ADAMTS19: variants seen among roughly 807,000 people sequenced by gnomAD.
The protein encoded by ADAMTS19 is ADAM metallopeptidase with thrombospondin type 1 motif 19.
A neutral mutation model predicts 153.3 loss-of-function variants in ADAMTS19; 93 were observed. That is an observed-to-expected ratio of 0.61 (90% confidence interval 0.51 to 0.72). ADAMTS19 has a LOEUF of 0.72. Among genes scored for constraint, ADAMTS19 ranks in the 30% least tolerant of loss-of-function variants. The pLI is 0.00. For synonymous variants in ADAMTS19, 600 were observed against 556.6 expected, an observed-to-expected ratio of 1.08 and a Z score of -1.10; for missense variants, 1,482 against 1,552.1, an observed-to-expected ratio of 0.95 and a Z score of 0.76.
intron 21 of ADAMTS19, among the ~76,000 whole-genome samples, chr5:129,709,879 A>G (rs1756356942): frequency 6.6e-6 from 1 of 152,132 alleles, no homozygotes; most frequent in South Asian, 2.1e-4. Flanking sequence ...TGGATTCTTA[A>G]GGTGTGTAAA....
At chr5:129,552,976 G>A (rs773766192) in intron 7 of ADAMTS19, among the ~76,000 whole-genome samples, 1 of 152,018 alleles carries the variant, frequency 6.6e-6, no homozygotes, top group South Asian at 2.1e-4. Context: ...AAGGAAAAGC[G>A]GAATTGATGT....
chr5:129,663,406 C>T (rs1482825866), intron 15 of ADAMTS19, among the ~76,000 whole-genome samples: 1 of 152,152 alleles, frequency 6.6e-6, no homozygotes, highest in African/African-American at 2.4e-5. Context: ...CTGGATGTTT[C>T]TACTAGTGCG....
At chr5:129,684,680 C>A (rs866237958) in intron 18 of ADAMTS19, among the ~76,000 whole-genome samples, 9 of 152,130 alleles carry the variant, frequency 5.9e-5, no homozygotes, top group Middle Eastern at 3.2e-3. Context: ...GAATTACAGA[C>A]CTGAATTGAA....
At chr5:129,551,482 T>A (rs1172959768) in intron 6 of ADAMTS19, among the ~76,000 whole-genome samples, 1 of 151,740 alleles carries the variant, frequency 6.6e-6, no homozygotes, top group Non-Finnish European at 1.5e-5. Context: ...ATCTTTGATC[T>A]GGAAATAATT....
chr5:129,691,590 C>T (rs535600109), intron 18 of ADAMTS19, among the ~76,000 whole-genome samples: 4 of 152,220 alleles, frequency 2.6e-5, no homozygotes, highest in South Asian at 2.1e-4. Context: ...AGGTGTAATA[C>T]GTCTGTAGCT....
intron 3 of ADAMTS19, 58 bp downstream of exon 3, chr5:129,509,300 T>C: frequency 6.8e-7 from 1 of 1,471,780 alleles, no homozygotes; most frequent in Non-Finnish European, 9.2e-7. Flanking sequence ...ATGACTACTT[T>C]AAAAAAACTC....
intron 7 of ADAMTS19, among the ~76,000 whole-genome samples, chr5:129,570,309 CAT>C (rs1753851709): frequency 2.0e-5 from 3 of 150,860 alleles, no homozygotes; most frequent in African/African-American, 7.3e-5. Context: ...GCTCTGTGAG[CAT>C]CAGTTTGACA....
At chr5:129,583,366 G>T (rs1749620412) in intron 7 of ADAMTS19, among the ~76,000 whole-genome samples, 1 of 152,018 alleles carries the variant, frequency 6.6e-6, no homozygotes, top group Admixed American at 6.6e-5. Flanking sequence ...TTCAACCTTG[G>T]TGAATCTGAC....
chr5:129,668,747 A>G (rs899634450), intron 16 of ADAMTS19, among the ~76,000 whole-genome samples: 5 of 152,064 alleles, frequency 3.3e-5, no homozygotes, highest in African/African-American at 1.2e-4. Flanking sequence ...TCAATAACAT[A>G]TTTTTTATTG....
chr5:129,463,860 A>C (rs1749769944), intron 2 of ADAMTS19, among the ~76,000 whole-genome samples: 1 of 152,248 alleles, frequency 6.6e-6, no homozygotes, highest in Admixed American at 6.5e-5. Flanking sequence ...AGGGGATAGA[A>C]TGTTCTGCCT....
intron 7 of ADAMTS19, among the ~76,000 whole-genome samples, chr5:129,555,523 A>G (rs1442614069): frequency 1.3e-5 from 2 of 152,174 alleles, no homozygotes; most frequent in African/African-American, 4.8e-5. Flanking sequence ...CTTATTGACT[A>G]TGTGAATTTA....
intron 2 of ADAMTS19, among the ~76,000 whole-genome samples, chr5:129,490,476 A>C (rs1203035988): frequency 1.3e-5 from 2 of 152,198 alleles, no homozygotes; most frequent in Non-Finnish European, 2.9e-5. Context: ...TGCTAAGTAC[A>C]TTATAAGATA....
chr5:129,512,070 A>T (rs962740789), intron 3 of ADAMTS19, among the ~76,000 whole-genome samples: 2 of 152,034 alleles, frequency 1.3e-5, no homozygotes, highest in African/African-American at 4.8e-5. Flanking sequence ...CAGAAACTGA[A>T]GGGACTTGAG....
At chr5:129,670,921 G>A (rs888588743) in intron 16 of ADAMTS19, among the ~76,000 whole-genome samples, 8 of 152,132 alleles carry the variant, frequency 5.3e-5, no homozygotes, top group African/African-American at 1.9e-4. Context: ...ATCCGTCTCA[G>A]TTAGTTACCG....
At chr5:129,668,584 C>A (rs991571498) in intron 16 of ADAMTS19, among the ~76,000 whole-genome samples, 5 of 152,080 alleles carry the variant, frequency 3.3e-5, no homozygotes, top group African/African-American at 1.2e-4. Flanking sequence ...ATGACCTAAT[C>A]ACCTCTCAGA....
intron 2 of ADAMTS19, among the ~76,000 whole-genome samples, chr5:129,489,692 A>T (rs1247197095): frequency 1.3e-5 from 2 of 152,154 alleles, no homozygotes; most frequent in Non-Finnish European, 2.9e-5. Flanking sequence ...AAAAAAGTTT[A>T]CTTTTGGAGT....
At chr5:129,736,481 T>C (rs1222624449) in intron 22 of ADAMTS19, among the ~76,000 whole-genome samples, 2 of 152,114 alleles carry the variant, frequency 1.3e-5, no homozygotes, top group Non-Finnish European at 2.9e-5. Flanking sequence ...AAATATTCTA[T>C]ACCAACTTCT....
At chr5:129,580,023 T>C (rs1749431442) in intron 7 of ADAMTS19, among the ~76,000 whole-genome samples, 1 of 152,090 alleles carries the variant, frequency 6.6e-6, no homozygotes, top group Non-Finnish European at 1.5e-5. Context: ...GAATTACTTT[T>C]GTCAGTATGG....
intron 7 of ADAMTS19, among the ~76,000 whole-genome samples, chr5:129,586,153 A>C (rs922988821): frequency 6.6e-6 from 1 of 152,176 alleles, no homozygotes; most frequent in African/African-American, 2.4e-5. Context: ...TTATTTTTAC[A>C]ATTGGTGACC....
Sources: allele counts gnomAD v4.1 joint callset (sites outside exome capture counted in the v4.1 genomes callset), GRCh38; gene constraint gnomAD v4.1.1; transcripts MANE v1.5; gene names NCBI Gene and HGNC (gene_info 2026-07-23, HGNC 2026-07-21).